Variants in CHD8 observed in about 807,000 individuals in gnomAD.
The protein encoded by CHD8 is ATP-dependent chromatin remodeler CHD8.
In CHD8, 31 loss-of-function variants were observed where a neutral mutation model predicts 279.2. The ratio of observed to expected loss-of-function variants is 0.11; its 90% CI spans 0.08 to 0.15. The LOEUF is 0.15. CHD8 is among the 10% of genes least tolerant of loss of function. The pLI, the probability that CHD8 is intolerant of heterozygous loss-of-function variation, is 1.00. For missense variants in CHD8, 2,146 were observed against 3,230.5 expected (o/e 0.66, Z 8.14); for synonymous variants, 1,081 against 1,139.6 (o/e 0.95, Z 1.04).
Position 21,391,956 on chromosome 14 carries a change from C to T in CHD8, c.6772-10G>A. On this transcript the variant is annotated splice_polypyrimidine_tract_variant and intron_variant, in intron 34 of 37. Transcript: ENST00000646647. ...ACTTCAATCCTTCCTCCTAGGAAGACAACCCACCCACCCAAGACATCATAT... is the reference window on the plus strand; with the variant it reads ...ACTTCAATCCTTCCTCCTAGGAAGATAACCCACCCACCCAAGACATCATAT... The T allele has an allele frequency of 1.3e-6, 2 of 1,572,168 alleles. No homozygotes were observed. Among genetic ancestry groups the T allele is most frequent in the Non-Finnish European group, 1.8e-6 (2 of 1,141,888 alleles).
In CHD8 at chr14:21,393,737, C is replaced by G. The variant is rs1461026899; in HGVS notation, c.6058G>C (p.Glu2020Gln). The change falls in exon 32 of 38, where the codon GAG becomes CAG. Residue 2020 changes from glutamate (E) to glutamine (Q), a missense_variant. Transcript: ENST00000646647. ...TGCTCTAGCTTTAAAGTCAGACTCT[C>G]CAGACTGGGGACCTGGGTAGCTGTC... is the stretch of plus-strand genomic sequence containing the variant. Reference protein sequence around the residue: ...EETATQVPSLESLTLKLEHEV... With the variant: ...EETATQVPSLQSLTLKLEHEV... 3 of 1,613,782 alleles carry G rather than the reference C, an allele frequency of 1.9e-6. No homozygotes were observed. The African/African-American group carries it at 4.0e-5, about 22-fold the overall frequency.
In CHD8 at chr14:21,412,928, G is replaced by T; in HGVS notation, c.2211C>A (p.Asp737Glu). ...DRILDESHSI[D>E]KDNGEPVIYY... ...AACAACTCACCTCCCCATTGTCCTT[G>T]TCAATACTGTGAGACTCATCCAATA... Residue 737 changes from aspartate to glutamate, a missense_variant, in exon 10 of 38, where the codon GAC (aspartate) becomes GAA (glutamate). By Grantham distance (45) the Asp-to-Glu change is conservative. Around this residue, in one of 26 missense-constraint regions of CHD8, gnomAD observed 211 missense variants for 464.7 expected, o/e 0.45. Coordinates refer to ENST00000646647, the MANE Select transcript of CHD8 (RefSeq NM_001170629.2). The T allele has an allele frequency of 6.2e-7, 1 of 1,604,360 alleles. No homozygotes were observed. The highest frequency in any genetic ancestry group is 8.5e-7 in the Non-Finnish European group (1 of 1,171,418).
At chr14:21,407,591 T>A (rs534375101) in intron 13 of CHD8, among the ~76,000 whole-genome samples, 1 of 152,076 alleles carries the variant, frequency 6.6e-6, no homozygotes. Flanking sequence ...CAAATTTACA[T>A]GGAAAAAGGA....
intron 10 of CHD8, among the ~76,000 whole-genome samples, chr14:21,411,829 G>A (rs576802376): frequency 3.9e-5 from 6 of 152,286 alleles, no homozygotes; most frequent in South Asian, 2.1e-4. Flanking sequence ...TTGGGAGGCC[G>A]AGGCAGGGAG....
intron 1 of CHD8, among the ~76,000 whole-genome samples, chr14:21,433,261 AT>A (rs1345501160): frequency 1.3e-5 from 2 of 152,216 alleles, no homozygotes; most frequent in African/African-American, 4.8e-5. Flanking sequence ...TCTTGAAAAC[AT>A]GTCTTATGAA....
intron 2 of CHD8, chr14:21,429,558 C>T (rs1046316809): frequency 2.6e-5 from 17 of 665,056 alleles, no homozygotes; most frequent in Non-Finnish European, 4.7e-5. Flanking sequence ...TGGCTATTCA[C>T]AGGCACAACA....
chr14:21,415,679 T>C (rs1268294358), intron 6 of CHD8, 37 bp from the exon 7 acceptor site: 2 of 1,612,164 alleles, frequency 1.2e-6, no homozygotes, highest in Admixed American at 3.3e-5. Flanking sequence ...CAGATGATTG[T>C]GACCAGCAAG....
At position 21,428,129 on chromosome 14, in the gene CHD8, C is replaced by A; in HGVS notation, c.1341G>T (p.Glu447Asp). The A allele has an allele frequency of 6.2e-7, 1 of 1,614,016 alleles. No individual in the cohort carries two copies. Among genetic ancestry groups the A allele is most frequent in the South Asian group, 1.1e-5 (1 of 91,088 alleles). Reference protein sequence around the residue: ...APHSGGKTGMEENRRLEHQKK... With the variant: ...APHSGGKTGMDENRRLEHQKK... Reference sequence around the variant, plus strand: ...TCTGGTGTTCCAATCTGCGGTTTTCCTCCATTCCTGTCTTTCCCCCCGAAT... The same window carrying A: ...TCTGGTGTTCCAATCTGCGGTTTTCATCCATTCCTGTCTTTCCCCCCGAAT... Residue 447 changes from glutamate to aspartate, a missense_variant, in exon 4 of 38, where the codon GAG (glutamate) becomes GAT (aspartate). By Grantham distance (45) the Glu-to-Asp change is conservative (BLOSUM62 2). This residue lies in a region of CHD8 where 170 missense variants were observed against 189.9 expected (regional missense o/e 0.90). Coordinates refer to ENST00000646647, the MANE Select transcript of CHD8 (RefSeq NM_001170629.2).
chr14:21,402,456 C>T lies in CHD8; in HGVS notation c.3762G>A (p.Val1254=), dbSNP rs1888077622. Residue 1254 remains valine, a synonymous_variant, in exon 19 of 38, where the codon GTG becomes GTA. Transcript: ENST00000646647. This position sits in a 1 kb window ranked among gnomAD's most constrained non-coding sequence, Gnocchi z 4.5. ...HRIGQSKAVK[V]YRLITRNSYE... The stretch of plus-strand genomic sequence containing the variant: ...AGGAATTACGAGTGATGAGGCGGTA[C>T]ACCTTCACAGCTTTGCTCTGCCCAA... 3.1e-6 allele frequency: 5 copies of T among 1,614,002 alleles called. No homozygotes were observed. The highest frequency in any genetic ancestry group is 1.7e-5 in the Admixed American group (1 of 59,992).
In CHD8 at chr14:21,407,016, C is replaced by T. The variant is rs1235404802; in HGVS notation, c.2747G>A (p.Gly916Asp). Residue 916 changes from glycine (G) to aspartate (D), a missense_variant, in exon 14 of 38, where the codon GGC (glycine) becomes GAC (aspartate). This residue lies in a region of CHD8 where 211 missense variants were observed against 464.7 expected (regional missense o/e 0.45). Coordinates refer to ENST00000646647, the MANE Select transcript of CHD8 (RefSeq NM_001170629.2). The stretch of plus-strand genomic sequence containing the variant: ...GATCAGAGCGTCAAACTTGTATGCG[C>T]CTGGGATGAGGCGTCCCTAAGCATG... ...CKDSRGRLIP[G>D]AYKFDALITT... 1 of 1,586,842 alleles carries T rather than the reference C, an allele frequency of 6.3e-7. No homozygotes were observed. Among genetic ancestry groups the T allele is most frequent in the Non-Finnish European group, 8.6e-7 (1 of 1,166,044 alleles).
At chr14:21,415,368 T>G (rs1888668167) in intron 7 of CHD8, 1 of 337,854 alleles carries the variant, frequency 3.0e-6, no homozygotes, top group Non-Finnish European at 5.1e-6. Context: ...GGCGCAGTGG[T>G]GCACAATGGT....
At chr14:21,426,271 AG>A in intron 4 of CHD8, 29 bp from the exon 5 acceptor site, 1 of 1,207,240 alleles carries the variant, frequency 8.3e-7, no homozygotes, top group Non-Finnish European at 1.2e-6. Flanking sequence ...ATTCATTTTC[AG>A]TGAAAGCAAA....
rs769368573 is a variant in CHD8 at position 21,406,877 on chromosome 14, A to G, written c.2886T>C (p.Asp962=). The stretch of plus-strand genomic sequence containing the variant: ...TCACCAGGTCCATGTGCTTGAGACT[A>G]TCAAGCAGCTTGCAATTACGGTTTT... ...RLKNRNCKLL[D]SLKHMDLEHK... The change falls in exon 14 of 38, where the codon GAT becomes GAC. Residue 962 remains aspartate (D), a synonymous_variant. Coordinates refer to ENST00000646647, the MANE Select transcript of CHD8 (RefSeq NM_001170629.2). The G allele has an allele frequency of 6.2e-7, 1 of 1,613,524 alleles. No individual in the cohort carries two copies. Among genetic ancestry groups the G allele is most frequent in the East Asian group, 2.2e-5 (1 of 44,866 alleles).
intron 37 of CHD8, among the ~76,000 whole-genome samples, 176 bp downstream of exon 37, chr14:21,390,768 CAAA>C (rs34364818): frequency 8.1e-4 from 111 of 136,462 alleles, no homozygotes; most frequent in Admixed American, 2.2e-3. Context: ...GACTCCGTCT[CAAA>C]AAAAAAAAAA....
intron 25 of CHD8, 41 bp downstream of exon 25, chr14:21,399,940 T>C (rs1439184767): frequency 1.3e-6 from 2 of 1,491,130 alleles, no homozygotes; most frequent in East Asian, 4.5e-5. Context: ...TTCCCTCAAA[T>C]AAGGTAGGGC....
chr14:21,400,955 T>C lies in CHD8; in HGVS notation c.4290A>G (p.Pro1430=). ...SDLESEDDER[P]RSRRHDRHHA... is the part of the protein sequence containing the mutation. Reference sequence around the variant, plus strand: ...GATGACGGTCATGTCTGCGGGAGCGTGGCCGCTCATCATCCTCACTTTCCA... The same window carrying C: ...GATGACGGTCATGTCTGCGGGAGCGCGGCCGCTCATCATCCTCACTTTCCA... Residue 1430 remains proline, a synonymous_variant, in exon 22 of 38, where the codon CCA becomes CCG. Coordinates refer to ENST00000646647, the MANE Select transcript of CHD8 (RefSeq NM_001170629.2). This position sits in a 1 kb window ranked among gnomAD's most constrained non-coding sequence, Gnocchi z 4.2. 6.2e-7 allele frequency: 1 copy of C among 1,613,980 alleles called. No homozygotes were observed. The highest frequency in any genetic ancestry group is 8.5e-7 in the Non-Finnish European group (1 of 1,179,840).
Position 21,450,843 on chromosome 14 carries a change from C to A in CHD8, c.-216+5189G>T, listed in dbSNP as rs150691279. ...AAAAAGGTGTTATTAGGAAATTACT[C>A]ATCACTGGAATATTGAGACACTACC... On this transcript the variant is annotated intron_variant, in intron 1 of 37. Coordinates refer to ENST00000646647, the MANE Select transcript of CHD8 (RefSeq NM_001170629.2). Among the ~76,000 whole-genome samples, 54 of 150,200 alleles carry A rather than the reference C, an allele frequency of 3.6e-4. 2 individuals are homozygous for A. Among genetic ancestry groups the A allele is most frequent in the African/African-American group, 1.3e-3 (53 of 39,612 alleles).
Position 21,401,868 on chromosome 14 carries a change from G to A in CHD8, c.4062+89C>T, listed in dbSNP as rs778323215. On this transcript the variant is annotated intron_variant, in intron 20 of 37. Transcript: ENST00000646647. ...CCCAAAGTGCTGGGAATATAGGCAT[G>A]AGCCACCATCCCCAGCATAAAAACA... 3.6e-5 allele frequency: 45 copies of A among 1,265,476 alleles called. 1 individual carries two copies. Among genetic ancestry groups the A allele is most frequent in the Non-Finnish European group, 4.7e-5 (42 of 899,510 alleles). 78.4% of individuals were successfully genotyped at this position (1,265,476 alleles called of 1,614,324 possible).
At chr14:21,419,372 A>T (rs2139510069) in intron 5 of CHD8, among the ~76,000 whole-genome samples, 1 of 152,310 alleles carries the variant, frequency 6.6e-6, no homozygotes, top group East Asian at 1.9e-4. Flanking sequence ...CAGCCTGAGC[A>T]ACATGGTGAA....
Sources: gnomAD v4.1 joint callset for allele counts (sites outside exome capture counted in the v4.1 genomes callset) on GRCh38, gnomAD v4.1.1 for gene constraint, gnomAD v4.1.1 regional missense constraint, Gnocchi (gnomAD v3.1) non-coding constraint, MANE v1.5 for transcripts, NCBI Gene and HGNC (gene_info 2026-07-23, HGNC 2026-07-21) for gene names.